The following DKK2 variants were observed in gnomAD, a reference collection of about 807,000 sequenced individuals.
DKK2 encodes dickkopf Wnt signaling pathway inhibitor 2, also known as dickkopf-related protein 2.
DKK2 carries 11 observed loss-of-function variants against 28.1 expected under a neutral mutation model. That is an observed-to-expected ratio of 0.39 (90% CI 0.25 to 0.65). The LOEUF (loss-of-function observed/expected upper bound fraction) is 0.65, where lower values mean the gene tolerates loss of function less well. Ranked by LOEUF, DKK2 falls within the 30% of genes least tolerant of loss-of-function variation. The pLI, the probability that DKK2 is intolerant of heterozygous loss-of-function variation, is 0.47. For missense variants in DKK2, 326 were observed against 335.5 expected, an observed-to-expected ratio of 0.97 and a Z score of 0.22; for synonymous variants, 135 against 126.5, an observed-to-expected ratio of 1.07 and a Z score of -0.45.
At chr4:106,977,807 A>T (rs908111874) in intron 1 of DKK2, among the ~76,000 whole-genome samples, 2 of 152,084 alleles carry the variant, frequency 1.3e-5, no homozygotes, top group Non-Finnish European at 2.9e-5. Context: ...CCTTTGGAGG[A>T]GAAGAGGCGC....
At chr4:106,966,784 C>A (rs545808739) in intron 1 of DKK2, among the ~76,000 whole-genome samples, 2 of 152,230 alleles carry the variant, frequency 1.3e-5, no homozygotes, top group Admixed American at 1.3e-4. Flanking sequence ...CAGGGAAACT[C>A]CCATATTTGA....
At chr4:106,962,550 TGTGA>T (rs1174566968) in intron 1 of DKK2, among the ~76,000 whole-genome samples, 22 of 119,802 alleles carry the variant, frequency 1.8e-4, no homozygotes, top group Non-Finnish European at 3.3e-4. Flanking sequence ...TGTGTGTGTG[TGTGA>T]ATGCAGAAGA....
At chr4:106,930,359 A>C (rs1387604994) in intron 1 of DKK2, among the ~76,000 whole-genome samples, 1 of 152,220 alleles carries the variant, frequency 6.6e-6, no homozygotes, top group African/African-American at 2.4e-5. Context: ...ACTTACATTT[A>C]GGGTTGAATT....
chr4:107,032,887 G>C (rs956540936), intron 1 of DKK2, among the ~76,000 whole-genome samples: 1 of 151,310 alleles, frequency 6.6e-6, no homozygotes, highest in Non-Finnish European at 1.5e-5. Context: ...CTCTACAAAA[G>C]GAAATAACAT....
intron 1 of DKK2, among the ~76,000 whole-genome samples, chr4:107,006,732 G>A (rs1053184720): frequency 2.0e-5 from 3 of 152,136 alleles, no homozygotes; most frequent in African/African-American, 7.2e-5. Flanking sequence ...GAGAATCTTT[G>A]GTTTGCGTCC....
intron 1 of DKK2, among the ~76,000 whole-genome samples, chr4:107,028,041 C>A (rs976175161): frequency 2.2e-4 from 34 of 152,128 alleles, no homozygotes; most frequent in African/African-American, 7.7e-4. Flanking sequence ...CGTGAGCCAC[C>A]GCGCCCTGCC....
At position 106,989,970 on chromosome 4, in the gene DKK2, T is replaced by C. The variant is rs572093752; in HGVS notation, c.222+45400A>G. Among the ~76,000 whole-genome samples, 3 of 152,314 alleles carry C rather than the reference T, an allele frequency of 2.0e-5. No homozygotes were observed. The South Asian group carries it at 6.2e-4, about 32-fold the overall frequency. On this transcript the variant is annotated intron_variant, in intron 1 of 3. Coordinates refer to ENST00000285311, the MANE Select transcript of DKK2 (RefSeq NM_014421.3). Reference sequence around the variant, plus strand: ...TTAACCCAACATAGCAAAAATATTATTTTAACAGAAATGAATATAAAATTA... The same window carrying C: ...TTAACCCAACATAGCAAAAATATTACTTTAACAGAAATGAATATAAAATTA...
At chr4:106,924,246 G>GA (rs763233866) in intron 3 of DKK2, 42 bp from the exon 4 acceptor site, 6,860 of 1,415,272 alleles carry the variant, frequency 4.8e-3, no homozygotes, top group South Asian at 5.3e-3. Flanking sequence ...TGACACTTCA[G>GA]AAAAAAAAAA....
chr4:107,029,184 A>C (rs1450709189), intron 1 of DKK2, among the ~76,000 whole-genome samples: 1 of 152,154 alleles, frequency 6.6e-6, no homozygotes, highest in Non-Finnish European at 1.5e-5. Flanking sequence ...AGTTATACCC[A>C]TGTCATTCAA....
At chr4:106,936,757 C>G (rs1330801243) in intron 1 of DKK2, among the ~76,000 whole-genome samples, 8 of 152,170 alleles carry the variant, frequency 5.3e-5, no homozygotes, top group African/African-American at 1.7e-4. Flanking sequence ...ATCAGACTAA[C>G]AGCGGATCTC....
chr4:107,022,324 G>A (rs1399128828), intron 1 of DKK2, among the ~76,000 whole-genome samples: 3 of 152,076 alleles, frequency 2.0e-5, no homozygotes, highest in Non-Finnish European at 4.4e-5. Flanking sequence ...TAAGAAGTAA[G>A]CAATTAGCAC....
chr4:106,939,037 A>T (rs930640597), intron 1 of DKK2, among the ~76,000 whole-genome samples: 17 of 152,078 alleles, frequency 1.1e-4, no homozygotes, highest in African/African-American at 3.6e-4. Context: ...AAGCATTCCC[A>T]TTGAAAACTG....
At chr4:106,957,513 A>T (rs544680437) in intron 1 of DKK2, among the ~76,000 whole-genome samples, 4 of 152,060 alleles carry the variant, frequency 2.6e-5, no homozygotes, top group Admixed American at 6.6e-5. Context: ...CAAATGTCCA[A>T]CAATGATAGA....
rs1223395552 is a variant in DKK2, at chr4:107,035,895, C to T, written c.-304G>A. 2 of 435,130 alleles carry T rather than the reference C, an allele frequency of 4.6e-6. No individual in the cohort carries two copies. Among genetic ancestry groups the T allele is most frequent in the Non-Finnish European group, 4.2e-6 (1 of 236,826 alleles). 27.0% of individuals were successfully genotyped at this position (435,130 alleles called of 1,614,324 possible). A position where few individuals can be genotyped will look rare whatever the true frequency, so the allele number is the denominator to read the frequency against. ...AGGCGTGACCCAAGGTGCAAGAAAA[C>T]CCAGCCCTGTGGATCGCACCGCTTC... On this transcript the variant is annotated 5_prime_UTR_variant, in exon 1 of 4. Coordinates refer to ENST00000285311, the MANE Select transcript of DKK2 (RefSeq NM_014421.3).
chr4:107,020,765 T>TTG lies in DKK2; in HGVS notation c.222+14603_222+14604dup, dbSNP rs138742050. On this transcript the variant is annotated intron_variant, in intron 1 of 3. Transcript: ENST00000285311. ...TTTTAAAAATAATTTTTGACAGGCTTTGTGTGTGTGTGTGTCTCTGTGCGC... is the reference window on the plus strand; with the variant it reads ...TTTTAAAAATAATTTTTGACAGGCTTTGTGTGTGTGTGTGTGTCTCTGTGCGC... Among the ~76,000 whole-genome samples the TTG allele has an allele frequency of 8.4e-3, 1,270 of 151,592 alleles. 20 individuals are homozygous for TTG. Among genetic ancestry groups the TTG allele is most frequent in the African/African-American group, 0.029 (1,204 of 41,394 alleles).
At chr4:106,952,343 TTTAG>T (rs1301548465) in intron 1 of DKK2, among the ~76,000 whole-genome samples, 5 of 152,288 alleles carry the variant, frequency 3.3e-5, no homozygotes, top group South Asian at 2.1e-4. Flanking sequence ...CCCTCTTGGC[TTTAG>T]TTAATTTCCT....
intron 1 of DKK2, among the ~76,000 whole-genome samples, chr4:106,958,355 A>G (rs1722634032): frequency 6.6e-6 from 1 of 152,056 alleles, no homozygotes; most frequent in South Asian, 2.1e-4. Flanking sequence ...ATTCGCACCC[A>G]TATTCAAGAA....
At chr4:106,940,122 A>G (rs1724671011) in intron 1 of DKK2, among the ~76,000 whole-genome samples, 1 of 152,208 alleles carries the variant, frequency 6.6e-6, no homozygotes, top group Non-Finnish European at 1.5e-5. Flanking sequence ...ATCCAATTAA[A>G]CTCAAGAGCT....
chr4:106,925,747 C>A, intron 2 of DKK2, 52 bp downstream of exon 2: 1 of 1,561,970 alleles, frequency 6.4e-7, no homozygotes, highest in Non-Finnish European at 8.6e-7. Flanking sequence ...GAGAGACAGG[C>A]TTATGATGAT....
Sources: allele counts gnomAD v4.1 joint callset (sites outside exome capture counted in the v4.1 genomes callset), GRCh38; gene constraint gnomAD v4.1.1; transcripts MANE v1.5; gene names NCBI Gene and HGNC (gene_info 2026-07-23, HGNC 2026-07-21).